TDRD10: variants seen among roughly 807,000 people sequenced by gnomAD.
The protein encoded by TDRD10 is tudor domain-containing protein 10.
A neutral mutation model predicts 48.0 loss-of-function variants in TDRD10; 40 were observed. The ratio of observed to expected loss-of-function variants is 0.83; its 90% confidence interval spans 0.65 to 1.09. TDRD10 has a LOEUF of 1.09. TDRD10 is among the 50% of genes least tolerant of loss of function. The pLI is 0.00. For missense variants in TDRD10, 378 were observed against 434.7 expected (o/e 0.87, Z 1.16); for synonymous variants, 162 against 170.4 (o/e 0.95, Z 0.38).
chr1:154,544,104 C>A lies in TDRD10; in HGVS notation c.645C>A (p.Val215=), dbSNP rs1695412375. 2.5e-6 allele frequency: 4 copies of A among 1,614,040 alleles called. No individual in the cohort carries two copies. The highest frequency in any genetic ancestry group is 3.4e-6 in the Non-Finnish European group (4 of 1,180,030). Residue 215 remains valine (V), a synonymous_variant, in exon 9 of 13, where the codon GTC becomes GTA. Transcript: ENST00000368482. ...CCCCGTTTTTCTGGGCTATGCACGT[C>A]ACTGAGGTATGGACTGGTTGTTGGC... ...PKTPFFWAMH[V]TEALHQNMQA... is the part of the protein sequence containing the mutation.
intron 4 of TDRD10, among the ~76,000 whole-genome samples, chr1:154,511,220 T>G (rs1208854603): frequency 3.3e-5 from 5 of 151,868 alleles, no homozygotes; most frequent in African/African-American, 4.8e-5. Context: ...TCCTCCCACC[T>G]CAGCCTCCTA....
chr1:154,535,188 G>A (rs1396023135), intron 6 of TDRD10, among the ~76,000 whole-genome samples: 1 of 152,114 alleles, frequency 6.6e-6, no homozygotes. Flanking sequence ...CTAACATGGT[G>A]AAACTCCATC....
chr1:154,530,187 G>C (rs746020398), intron 6 of TDRD10, among the ~76,000 whole-genome samples: 65 of 151,802 alleles, frequency 4.3e-4, no homozygotes, highest in Non-Finnish European at 7.7e-4. Flanking sequence ...GCTAATTTTT[G>C]TATTTTTCGT....
rs1176269644 is a variant in TDRD10, at chr1:154,547,701, G to T, written c.1047G>T (p.Glu349Asp). The T allele has an allele frequency of 6.2e-7, 1 of 1,613,744 alleles. No homozygotes were observed. The highest frequency in any genetic ancestry group is 1.3e-5 in the African/African-American group (1 of 74,928). Residue 349 changes from glutamate to aspartate, a missense_variant, in exon 13 of 13, where the codon GAG becomes GAT. Physicochemically the swap from Glu to Asp is conservative, Grantham distance 45. Coordinates refer to ENST00000368482, the MANE Select transcript of TDRD10 (RefSeq NM_182499.4). The stretch of plus-strand genomic sequence containing the variant: ...AGTTGCACATCCTAAAGTTTGAAGA[G>T]TCTAAATAACGGGGCTTCCCTCAGC... The part of the protein sequence containing the change: ...NSALHILKFE[E>D]SK
intron 8 of TDRD10, 91 bp from the exon 9 acceptor site, chr1:154,543,872 A>G: frequency 6.4e-7 from 1 of 1,555,188 alleles, no homozygotes; most frequent in Non-Finnish European, 8.7e-7. Flanking sequence ...CAGGCAGTTC[A>G]GCCTCCTGCA....
chr1:154,509,782 C>T lies in TDRD10; in HGVS notation c.141+1301C>T, dbSNP rs151306636. The T allele has an allele frequency of 6.8e-4, 666 of 985,290 alleles. 3 individuals are homozygous for T. In the African/African-American group the frequency reaches 0.011, roughly 16 times the overall value. The allele number at this position is 985,290 out of a possible 1,614,324, so 61.0% of individuals were successfully genotyped here. On this transcript the variant is annotated intron_variant, in intron 4 of 12. Coordinates refer to ENST00000368482, the MANE Select transcript of TDRD10 (RefSeq NM_182499.4). Reference sequence around the variant, plus strand: ...GAGCCTACTAGGGCTGGTTTTCCTCCCCCATTTTGGCAGGCTGGTCCAACC... The same window carrying T: ...GAGCCTACTAGGGCTGGTTTTCCTCTCCCATTTTGGCAGGCTGGTCCAACC...
chr1:154,512,278 C>T (rs1693525796), intron 4 of TDRD10, among the ~76,000 whole-genome samples: 1 of 152,094 alleles, frequency 6.6e-6, no homozygotes. Context: ...TTTCACTAAG[C>T]ATGTTTTCAG....
chr1:154,516,851 G>T (rs1328035079), intron 4 of TDRD10, among the ~76,000 whole-genome samples: 1 of 152,214 alleles, frequency 6.6e-6, no homozygotes, highest in African/African-American at 2.4e-5. Context: ...GGAGGCTGAG[G>T]TGGGAGGTTG....
chr1:154,528,920 A>AT (rs1375888206), intron 6 of TDRD10, among the ~76,000 whole-genome samples: 24 of 152,164 alleles, frequency 1.6e-4, no homozygotes, highest in Non-Finnish European at 2.8e-4. Flanking sequence ...ATGTTACATT[A>AT]TTACATTATA....
In TDRD10 at chr1:154,546,263, G is replaced by A. The variant is rs1049518019; in HGVS notation, c.953-1146G>A. Among the ~76,000 whole-genome samples the A allele has an allele frequency of 5.4e-5, 8 of 148,480 alleles. No individual in the cohort carries two copies. The South Asian group carries it at 8.5e-4, about 16-fold the overall frequency. ...TAATTTTTATATTTTTAATAGTGAC[G>A]GGGTTTCACTGTGTTGGTCAGGCTG... On this transcript the variant is annotated intron_variant, in intron 11 of 12. Transcript: ENST00000368482.
chr1:154,514,782 G>T (rs11490956), intron 4 of TDRD10, among the ~76,000 whole-genome samples: 27,787 of 151,888 alleles, frequency 0.18, 2,895 homozygotes, highest in South Asian at 0.23. Flanking sequence ...CGACCTCCCG[G>T]GCCCAAGCAA....
intron 7 of TDRD10, among the ~76,000 whole-genome samples, 158 bp from the exon 8 acceptor site, chr1:154,542,573 C>T (rs368836163): frequency 1.3e-5 from 2 of 152,316 alleles, no homozygotes; most frequent in African/African-American, 4.8e-5. Flanking sequence ...CCCTTCCCGC[C>T]CAGATGAGAA....
At chr1:154,520,698 A>G (rs913403110) in intron 5 of TDRD10, among the ~76,000 whole-genome samples, 5 of 152,128 alleles carry the variant, frequency 3.3e-5, no homozygotes, top group African/African-American at 7.2e-5. Context: ...AAACCTACTT[A>G]TATTTTCCCT....
intron 4 of TDRD10, among the ~76,000 whole-genome samples, chr1:154,513,798 A>G (rs1317612751): frequency 2.0e-5 from 3 of 152,264 alleles, no homozygotes; most frequent in Admixed American, 2.0e-4. Context: ...GCCATAAAGC[A>G]GCAGCACTCT....
At chr1:154,510,168 C>G (rs903580683) in intron 4 of TDRD10, among the ~76,000 whole-genome samples, 1 of 150,864 alleles carries the variant, frequency 6.6e-6, no homozygotes, top group Admixed American at 6.6e-5. Context: ...CTTTGGGAGG[C>G]TGAGGCAGAA....
intron 6 of TDRD10, among the ~76,000 whole-genome samples, chr1:154,532,597 G>A (rs761405998): frequency 2.0e-5 from 3 of 152,228 alleles, no homozygotes; most frequent in South Asian, 4.1e-4. Flanking sequence ...CACCGAGAGC[G>A]AGCGAGGGCT....
At chr1:154,516,453 G>A (rs576603544) in intron 4 of TDRD10, among the ~76,000 whole-genome samples, 33 of 152,248 alleles carry the variant, frequency 2.2e-4, no homozygotes, top group African/African-American at 7.5e-4. Context: ...TTCTCCTTTG[G>A]TTGCTTCTCT....
chr1:154,526,203 CAAAAAAAA>C (rs58688953), intron 6 of TDRD10, among the ~76,000 whole-genome samples: 2 of 110,418 alleles, frequency 1.8e-5, no homozygotes, highest in South Asian at 5.9e-4. Flanking sequence ...GACTTCATCT[CAAAAAAAA>C]AAAAAAAAGA....
Position 154,521,360 on chromosome 1 carries a change from A to C in TDRD10, c.250A>C (p.Thr84Pro), listed in dbSNP as rs1251503473. Residue 84 changes from threonine to proline, a missense_variant, in exon 6 of 13, where the codon ACA (threonine) becomes CCA (proline). By Grantham distance (38) the Thr-to-Pro change is conservative. This residue lies in a region of TDRD10 where 310 missense variants were observed against 323.6 expected (regional missense o/e 0.96). Coordinates refer to ENST00000368482, the MANE Select transcript of TDRD10 (RefSeq NM_182499.4). ...AGATCTGGGCTCCATGCAGAAAGTG[A>C]CACTTGCAATCCAGGAGCTGAATGG... ...FVDLGSMQKV[T>P]LAIQELNGKL... The C allele has an allele frequency of 1.9e-6, 3 of 1,613,972 alleles. No homozygotes were observed. The highest frequency in any genetic ancestry group is 2.5e-6 in the Non-Finnish European group (3 of 1,180,024).
Sources: allele counts gnomAD v4.1 joint callset (sites outside exome capture counted in the v4.1 genomes callset), GRCh38; gene constraint gnomAD v4.1.1; regional missense constraint gnomAD v4.1.1; transcripts MANE v1.5; gene names NCBI Gene and HGNC (gene_info 2026-07-23, HGNC 2026-07-21).